The following PKD1L1 variants were observed in gnomAD, a reference collection of about 807,000 sequenced individuals.
The protein encoded by PKD1L1 is polycystin 1 like 1, transient receptor potential channel interacting.
PKD1L1 carries 236 observed loss-of-function variants against 323.4 expected under a neutral mutation model. The ratio of observed to expected loss-of-function variants is 0.73; its 90% CI spans 0.66 to 0.81. The LOEUF is 0.81. PKD1L1 is among the 40% of genes least tolerant of loss of function. The pLI, the probability that PKD1L1 is intolerant of heterozygous loss-of-function variation, is 0.00. For synonymous variants in PKD1L1, 1,344 were observed against 1,335.0 expected (o/e 1.01, Z -0.15); for missense variants, 3,320 against 3,508.0 (o/e 0.95, Z 1.35).
At chr7:47,883,640 CAAG>C (rs1786614519) in intron 19 of PKD1L1, among the ~76,000 whole-genome samples, 1 of 152,124 alleles carries the variant, frequency 6.6e-6, no homozygotes, top group African/African-American at 2.4e-5. Context: ...CCATCTCATC[CAAG>C]AAGAGCACGA....
intron 31 of PKD1L1, among the ~76,000 whole-genome samples, chr7:47,848,185 T>C (rs1046593758): frequency 3.9e-5 from 6 of 152,148 alleles, no homozygotes; most frequent in African/African-American, 1.4e-4. Context: ...CATAGGCATT[T>C]ACCATCCGAC....
intron 11 of PKD1L1, 68 bp downstream of exon 11, chr7:47,905,089 G>T: frequency 1.3e-6 from 2 of 1,515,598 alleles, no homozygotes; most frequent in Non-Finnish European, 1.8e-6. Context: ...TAGCAGCATG[G>T]TGATCTTCAG....
chr7:47,880,840 T>G (rs1185216252), intron 20 of PKD1L1, 35 bp from the exon 21 acceptor site: 1 of 1,551,492 alleles, frequency 6.4e-7, no homozygotes, highest in Non-Finnish European at 8.8e-7. Flanking sequence ...GAAATGACAG[T>G]CAGTGGTCTC....
chr7:47,779,859 C>T (rs1023920049), intron 56 of PKD1L1, among the ~76,000 whole-genome samples: 1 of 152,120 alleles, frequency 6.6e-6, no homozygotes, highest in Admixed American at 6.5e-5. Context: ...AAACCATGGG[C>T]TGGGTGGGAG....
Position 47,843,082 on chromosome 7 carries a change from A to T in PKD1L1, c.5325T>A (p.Asp1775Glu). Residue 1775 changes from aspartate (D) to glutamate (E), a missense_variant, in exon 34 of 57, where the codon GAT becomes GAA. Physicochemically the swap from Asp to Glu is conservative, Grantham distance 45. Transcript: ENST00000289672. ...AACCAGCTTTCTTTTTTTCATGATG[A>T]TCTACTTGTCTACTTTTAGCGACCA... ...GFLVAKSRQV[D>E]HHEKKKAGYI... 1 of 1,613,870 alleles carries T rather than the reference A, an allele frequency of 6.2e-7. No homozygotes were observed. Among genetic ancestry groups the T allele is most frequent in the Non-Finnish European group, 8.5e-7 (1 of 1,179,868 alleles).
intron 34 of PKD1L1, among the ~76,000 whole-genome samples, chr7:47,841,126 AGT>A (rs1314939205): frequency 2.6e-5 from 4 of 152,206 alleles, no homozygotes; most frequent in Non-Finnish European, 5.9e-5. Flanking sequence ...CTTACTCGAA[AGT>A]GTATATTTTC....
intron 7 of PKD1L1, among the ~76,000 whole-genome samples, chr7:47,928,624 C>A (rs976630034): frequency 6.6e-6 from 1 of 152,098 alleles, no homozygotes; most frequent in African/African-American, 2.4e-5. Context: ...TAAATCCTAT[C>A]CGTAAGTGGA....
At chr7:47,803,567 A>G (rs981664178) in intron 52 of PKD1L1, among the ~76,000 whole-genome samples, 3 of 152,170 alleles carry the variant, frequency 2.0e-5, no homozygotes, top group African/African-American at 4.8e-5. Context: ...CCTGCTCTGA[A>G]TTCTGGCCTG....
At chr7:47,926,144 C>T (rs115411327) in intron 7 of PKD1L1, among the ~76,000 whole-genome samples, 2,203 of 152,302 alleles carry the variant, frequency 0.014, 43 homozygotes, top group African/African-American at 0.05. Context: ...AGTCTGGCAC[C>T]TTTTAAAGGC....
intron 50 of PKD1L1, 35 bp from the exon 51 acceptor site, chr7:47,809,612 G>A (rs767337747): frequency 6.8e-7 from 1 of 1,459,920 alleles, no homozygotes; most frequent in South Asian, 1.3e-5. Flanking sequence ...AAGATCAATA[G>A]GAATGCTGAT....
In PKD1L1 at chr7:47,792,745, ATCT is replaced by A; in HGVS notation, c.8405_8407del (p.Lys2802del). The A allele has an allele frequency of 6.2e-7, 1 of 1,614,096 alleles. No homozygotes were observed. The highest frequency in any genetic ancestry group is 8.5e-7 in the Non-Finnish European group (1 of 1,179,990). ...TTGTAGGCTGTCGGACAAACCATTA[ATCT>A]TCATCAGAAGTTCGTCTAACAGATT... is the stretch of plus-strand genomic sequence containing the variant. On this transcript the variant is annotated inframe_deletion, in exon 56 of 57. Coordinates refer to ENST00000289672, the MANE Select transcript of PKD1L1 (RefSeq NM_138295.5).
At position 47,839,555 on chromosome 7, in the gene PKD1L1, G is replaced by T. The variant is rs369417620; in HGVS notation, c.5660C>A (p.Thr1887Lys). The T allele has an allele frequency of 7.5e-6, 12 of 1,607,998 alleles. 1 individual carries two copies. In the South Asian group the frequency reaches 1.3e-4, roughly 18 times the overall value. Residue 1887 changes from threonine (T) to lysine (K), a missense_variant, in exon 36 of 57, where the codon ACG (threonine) becomes AAG (lysine). Thr to Lys is a moderately conservative substitution (Grantham distance 78). Transcript: ENST00000289672. The surrounding 1 kb of genome is among the most constrained non-coding windows in gnomAD (Gnocchi z 4.3). ...GGCAGGGAAGAACCAGCCCTGTCCC[G>T]TGTGCAGCTCCTTCACCATCACGTG... ...ISHVMVKELH[T>K]GQGWFFPAQC... is the part of the protein sequence containing the mutation.
intron 10 of PKD1L1, 33 bp from the exon 11 acceptor site, chr7:47,905,358 C>A (rs771099751): frequency 6.2e-7 from 1 of 1,603,680 alleles, no homozygotes; most frequent in Admixed American, 1.7e-5. Context: ...ATGTCTATGT[C>A]AACATAGGAG....
chr7:47,831,794 A>T (rs1053216394), intron 41 of PKD1L1, among the ~76,000 whole-genome samples: 8 of 152,146 alleles, frequency 5.3e-5, no homozygotes, highest in African/African-American at 1.9e-4. Context: ...CCAACATCAG[A>T]GGCAGAGAGG....
Position 47,908,267 on chromosome 7 carries a change from G to T in PKD1L1, c.1229-17C>A. 1 of 1,600,626 alleles carries T rather than the reference G, an allele frequency of 6.2e-7. No homozygotes were observed. The highest frequency in any genetic ancestry group is 8.5e-7 in the Non-Finnish European group (1 of 1,170,008). ...AGACTCCTTCTGGAAAAATAAGAATGAACGGACACTTGATGAATTTTTAAT... is the reference window on the plus strand; with the variant it reads ...AGACTCCTTCTGGAAAAATAAGAATTAACGGACACTTGATGAATTTTTAAT... On this transcript the variant is annotated splice_polypyrimidine_tract_variant and intron_variant, in intron 8 of 56. Transcript: ENST00000289672.
intron 43 of PKD1L1, 49 bp downstream of exon 43, chr7:47,829,991 A>G: frequency 6.6e-7 from 1 of 1,523,398 alleles, no homozygotes; most frequent in Non-Finnish European, 9.1e-7. Context: ...CTTCCCATCT[A>G]GGTCCCCTGC....
chr7:47,787,363 T>C (rs780523128), intron 56 of PKD1L1, among the ~76,000 whole-genome samples: 10 of 152,142 alleles, frequency 6.6e-5, no homozygotes, highest in Non-Finnish European at 1.2e-4. Context: ...CCAGAAAGCG[T>C]TGTGTTTTCC....
At chr7:47,785,484 C>T (rs1047439097) in intron 56 of PKD1L1, among the ~76,000 whole-genome samples, 9 of 152,134 alleles carry the variant, frequency 5.9e-5, no homozygotes, top group South Asian at 2.1e-4. Context: ...CATGCAGACA[C>T]GAACTCCTTT....
chr7:47,862,778 G>GA (rs1299278493), intron 26 of PKD1L1, among the ~76,000 whole-genome samples: 2 of 152,166 alleles, frequency 1.3e-5, no homozygotes, highest in Non-Finnish European at 2.9e-5. Context: ...GGATGGTTAG[G>GA]AAGCGGGAGA....
Sources: gnomAD v4.1 joint callset for allele counts (sites outside exome capture counted in the v4.1 genomes callset) on GRCh38, gnomAD v4.1.1 for gene constraint, Gnocchi (gnomAD v3.1) non-coding constraint, MANE v1.5 for transcripts, NCBI Gene and HGNC (gene_info 2026-07-23, HGNC 2026-07-21) for gene names.